COL4A2: variants seen among roughly 807,000 people sequenced by gnomAD.
COL4A2 encodes the protein collagen alpha-2(IV) chain.
A neutral mutation model predicts 200.2 loss-of-function variants in COL4A2; 99 were observed. The ratio of observed to expected loss-of-function variants is 0.49; its 90% CI spans 0.42 to 0.58. The LOEUF (loss-of-function observed/expected upper bound fraction) is 0.58, where lower values mean the gene tolerates loss of function less well. COL4A2 is among the 20% of genes least tolerant of loss of function. The pLI, the probability that COL4A2 is intolerant of heterozygous loss-of-function variation, is 0.00. For synonymous variants in COL4A2, 897 were observed against 900.6 expected, an observed-to-expected ratio of 1.00 and a Z score of 0.07; for missense variants, 1,950 against 2,314.1, an observed-to-expected ratio of 0.84 and a Z score of 3.23.
At chr13:110,470,066 C>T (rs932836433) in intron 28 of COL4A2, among the ~76,000 whole-genome samples, 1 of 152,090 alleles carries the variant, frequency 6.6e-6, no homozygotes, top group African/African-American at 2.4e-5. Context: ...AGGCATGTGC[C>T]ACCACACCTG....
intron 3 of COL4A2, among the ~76,000 whole-genome samples, chr13:110,310,903 A>G (rs796417110): frequency 7.2e-5 from 11 of 152,330 alleles, no homozygotes; most frequent in African/African-American, 2.6e-4. Context: ...AAAAGCCACA[A>G]AGGGTTTGCA....
chr13:110,328,130 T>G (rs1030416472), intron 3 of COL4A2, among the ~76,000 whole-genome samples: 27 of 152,226 alleles, frequency 1.8e-4, no homozygotes, highest in Non-Finnish European at 3.5e-4. Flanking sequence ...ATCAGGAATA[T>G]AATCTGTTTA....
rs9555688 is a variant in COL4A2 at position 110,329,823 on chromosome 13, C to T, written c.99+21700C>T. On this transcript the variant is annotated intron_variant, in intron 3 of 47. Coordinates refer to ENST00000360467, the MANE Select transcript of COL4A2 (RefSeq NM_001846.4). ...AGACAGAGGAAGGTTATGACCACCA[C>T]GGCACTGGCAGGAGGAGAGAAAAAC... Among the ~76,000 whole-genome samples the T allele has an allele frequency of 4.2e-3, 644 of 152,228 alleles. 6 individuals carry two copies. In the East Asian group the frequency reaches 0.05, roughly 12 times the overall value.
At chr13:110,423,735 G>A (rs552108557) in intron 4 of COL4A2, among the ~76,000 whole-genome samples, 11 of 152,080 alleles carry the variant, frequency 7.2e-5, no homozygotes, top group South Asian at 6.3e-4. Flanking sequence ...CTCTCTGCCC[G>A]GCCCCTGGCA....
chr13:110,438,829 C>T (rs939504604), intron 15 of COL4A2, among the ~76,000 whole-genome samples, 161 bp downstream of exon 15: 3 of 125,280 alleles, frequency 2.4e-5, no homozygotes, highest in Non-Finnish European at 5.0e-5. Flanking sequence ...CACACAGCAG[C>T]CCCCCAGCAC....
At chr13:110,469,617 T>G (rs916133632) in intron 28 of COL4A2, among the ~76,000 whole-genome samples, 2 of 152,188 alleles carry the variant, frequency 1.3e-5, no homozygotes, top group African/African-American at 4.8e-5. Flanking sequence ...GTGTTAATAA[T>G]GATTAATATT....
intron 11 of COL4A2, among the ~76,000 whole-genome samples, chr13:110,433,095 G>A (rs924587273): frequency 6.6e-6 from 1 of 152,258 alleles, no homozygotes; most frequent in Non-Finnish European, 1.5e-5. Flanking sequence ...GATGGAGGAC[G>A]TGCCAAGCCC....
intron 4 of COL4A2, among the ~76,000 whole-genome samples, chr13:110,409,097 G>A (rs1879721021): frequency 1.0e-5 from 1 of 96,906 alleles, no homozygotes; most frequent in African/African-American, 3.7e-5. Context: ...TATACACACG[G>A]ACACATACAC....
At chr13:110,410,138 C>T (rs1055087098) in intron 4 of COL4A2, among the ~76,000 whole-genome samples, 2 of 152,148 alleles carry the variant, frequency 1.3e-5, no homozygotes, top group South Asian at 2.1e-4. Flanking sequence ...TTTTACTGTC[C>T]GCCATTTAAC....
chr13:110,452,021 G>A (rs937423913), intron 20 of COL4A2, among the ~76,000 whole-genome samples: 7 of 152,218 alleles, frequency 4.6e-5, no homozygotes, highest in African/African-American at 1.7e-4. Context: ...CCCTGACATT[G>A]CCCCTAATAA....
rs1311732676 is a variant in COL4A2, at chr13:110,408,837, A to G, written c.181-15897A>G. ...TACACACACACATGCACACACACAT[A>G]CACGCACACATATACACACATACAC... On this transcript the variant is annotated intron_variant, in intron 4 of 47. Transcript: ENST00000360467. 2.5e-5 allele frequency among the ~76,000 whole-genome samples: 2 copies of G among 80,750 alleles called. 1 individual carries two copies. The highest frequency in any genetic ancestry group is 5.3e-5 in the Non-Finnish European group (2 of 37,844). The allele number at this position is 80,750 out of a possible 152,430, so 53.0% of individuals were successfully genotyped here.
intron 3 of COL4A2, among the ~76,000 whole-genome samples, chr13:110,337,921 GAA>G (rs1876276807): frequency 6.6e-6 from 1 of 152,174 alleles, no homozygotes; most frequent in Admixed American, 6.5e-5. Context: ...AACATGCATT[GAA>G]AGTAAACAGC....
At chr13:110,405,998 C>T (rs1478792789) in intron 4 of COL4A2, among the ~76,000 whole-genome samples, 4 of 152,200 alleles carry the variant, frequency 2.6e-5, no homozygotes, top group East Asian at 3.9e-4. Flanking sequence ...CATGGCTGCT[C>T]TTGCAGTGAT....
At chr13:110,455,095 G>A (rs74124401) in intron 20 of COL4A2, among the ~76,000 whole-genome samples, 180 of 152,250 alleles carry the variant, frequency 1.2e-3, no homozygotes, top group African/African-American at 3.1e-3. Flanking sequence ...ACCACCGCCC[G>A]CGTAGCCTGC....
At chr13:110,476,703 C>T (rs1038847916) in intron 29 of COL4A2, among the ~76,000 whole-genome samples, 8 of 152,232 alleles carry the variant, frequency 5.3e-5, no homozygotes, top group African/African-American at 1.7e-4. Flanking sequence ...AATCGGAGAG[C>T]AGCTGCGACA....
At chr13:110,462,542 T>G in intron 24 of COL4A2, 158 bp downstream of exon 24, 1 of 649,054 alleles carries the variant, frequency 1.5e-6, no homozygotes, top group Non-Finnish European at 2.5e-6. Context: ...TGAGCAGAAA[T>G]CAGACTTTTT....
chr13:110,422,739 C>CA (rs1880303179), intron 4 of COL4A2, among the ~76,000 whole-genome samples: 1 of 152,134 alleles, frequency 6.6e-6, no homozygotes, highest in African/African-American at 2.4e-5. Context: ...GCTTCCACCC[C>CA]AAAAAATCAT....
In COL4A2 at chr13:110,507,019, T is replaced by C. The variant is rs760330293; in HGVS notation, c.4594+413T>C. On this transcript the variant is annotated intron_variant, in intron 46 of 47. Transcript: ENST00000360467. ...CTCCCATACAGCCCCCCGAGGAAAA[T>C]GGACCCATGGACACGTGTGCATGCT... 7.9e-5 allele frequency among the ~76,000 whole-genome samples: 12 copies of C among 152,202 alleles called. No individual in the cohort carries two copies. The South Asian group carries it at 2.1e-3, about 26-fold the overall frequency.
chr13:110,354,628 T>C (rs190073302), intron 3 of COL4A2, among the ~76,000 whole-genome samples: 1 of 141,598 alleles, frequency 7.1e-6, no homozygotes, highest in East Asian at 2.0e-4. Context: ...TTTTTGGAGT[T>C]TTTTTTTTTT....
Sources: allele counts gnomAD v4.1 joint callset (sites outside exome capture counted in the v4.1 genomes callset), GRCh38; gene constraint gnomAD v4.1.1; transcripts MANE v1.5; gene names NCBI Gene and HGNC (gene_info 2026-07-23, HGNC 2026-07-21).